Variants in KHDRBS2 observed in about 807,000 individuals in gnomAD.
KHDRBS2 encodes KH RNA binding domain containing, signal transduction associated 2, also known as KH domain-containing, RNA-binding, signal transduction-associated protein 2.
KHDRBS2 carries 26 observed loss-of-function variants against 44.3 expected under a neutral mutation model. That is an observed-to-expected ratio of 0.59 (90% CI 0.43 to 0.81). The LOEUF (loss-of-function observed/expected upper bound fraction) is 0.81. Among genes scored for constraint, KHDRBS2 ranks in the 40% least tolerant of loss-of-function variants. The probability of loss-of-function intolerance (pLI) is 0.00; values close to 1 mark genes in which losing one functional copy is unlikely to be tolerated. For missense variants in KHDRBS2, 476 were observed against 433.1 expected, an observed-to-expected ratio of 1.10 and a Z score of -0.88; for synonymous variants, 194 against 151.1, an observed-to-expected ratio of 1.28 and a Z score of -2.08.
Position 62,214,286 on chromosome 6 carries a change from T to C in KHDRBS2, c.92-36974A>G, listed in dbSNP as rs575753347. ...TTCTTCCATATACAGGAAAGGATTA[T>C]ATATCAAATTAGAACAGCCATTAAT... On this transcript the variant is annotated intron_variant, in intron 1 of 8. Transcript: ENST00000281156. 2.0e-5 allele frequency among the ~76,000 whole-genome samples: 3 copies of C among 152,284 alleles called. No homozygotes were observed. The South Asian group carries it at 6.2e-4, about 32-fold the overall frequency.
intron 4 of KHDRBS2, among the ~76,000 whole-genome samples, chr6:61,931,927 G>T (rs143935556): frequency 3.3e-5 from 5 of 152,134 alleles, no homozygotes; most frequent in Middle Eastern, 3.4e-3. Flanking sequence ...TTTTTATAAT[G>T]ATCCATTTCC....
the KHDRBS2 span, among the ~76,000 whole-genome samples, chr6:61,637,179 C>T: frequency 6.6e-6 from 1 of 151,922 alleles, no homozygotes; most frequent in African/African-American, 2.4e-5. Flanking sequence ...GCTATCCCAC[C>T]CCTGTCCCCC....
chr6:62,053,510 CAAAT>C (rs1185410363), intron 2 of KHDRBS2, among the ~76,000 whole-genome samples: 2 of 151,736 alleles, frequency 1.3e-5, no homozygotes, highest in Non-Finnish European at 2.9e-5. Context: ...TACCCATTAA[CAAAT>C]TAATGAATAA....
At position 61,897,251 on chromosome 6, in the gene KHDRBS2, T is replaced by G. The variant is rs543023204; in HGVS notation, c.612-2418A>C. Among the ~76,000 whole-genome samples, 3 of 152,260 alleles carry G rather than the reference T, an allele frequency of 2.0e-5. No individual in the cohort carries two copies. The South Asian group carries it at 6.2e-4, about 32-fold the overall frequency. ...ATCTCTGGAGACAGGGAGCTCCCAG[T>G]GATTCCAAAATACAGGCCAATTTGG... is the stretch of plus-strand genomic sequence containing the variant. On this transcript the variant is annotated intron_variant, in intron 5 of 8. Coordinates refer to ENST00000281156, the MANE Select transcript of KHDRBS2 (RefSeq NM_152688.4).
intron 2 of KHDRBS2, among the ~76,000 whole-genome samples, chr6:62,151,549 C>A (rs1009958746): frequency 3.0e-4 from 46 of 152,100 alleles, no homozygotes; most frequent in African/African-American, 1.0e-3. Context: ...AACCCCACCA[C>A]AATTTAATCT....
intron 4 of KHDRBS2, among the ~76,000 whole-genome samples, chr6:61,921,950 T>G (rs796345104): frequency 1.4e-4 from 21 of 152,034 alleles, no homozygotes; most frequent in African/African-American, 4.6e-4. Context: ...GCTTCTTTCT[T>G]CAAACATAAA....
chr6:61,550,560 T>C, the KHDRBS2 span, among the ~76,000 whole-genome samples: 2 of 152,128 alleles, frequency 1.3e-5, no homozygotes, highest in African/African-American at 4.8e-5. Flanking sequence ...GGATGGTGGC[T>C]TACATACTTA....
At chr6:62,088,864 T>C (rs894570442) in intron 2 of KHDRBS2, among the ~76,000 whole-genome samples, 1 of 152,086 alleles carries the variant, frequency 6.6e-6, no homozygotes, top group African/African-American at 2.4e-5. Context: ...AGATGGGAGT[T>C]TTATCTATAA....
intron 6 of KHDRBS2, among the ~76,000 whole-genome samples, chr6:61,850,306 T>C (rs1795237443): frequency 6.6e-6 from 1 of 152,148 alleles, no homozygotes; most frequent in Non-Finnish European, 1.5e-5. Flanking sequence ...ACAAACTCCT[T>C]TGGCATCTGC....
At chr6:61,699,873 A>C (rs1768378773) in intron 7 of KHDRBS2, among the ~76,000 whole-genome samples, 1 of 151,980 alleles carries the variant, frequency 6.6e-6, no homozygotes, top group Non-Finnish European at 1.5e-5. Context: ...AAACTGTCTA[A>C]AAAATTATGG....
intron 6 of KHDRBS2, among the ~76,000 whole-genome samples, chr6:61,847,972 C>G (rs1164056265): frequency 2.0e-5 from 3 of 151,940 alleles, no homozygotes; most frequent in African/African-American, 7.3e-5. Context: ...ACTGCCCTTC[C>G]ATAATTGGTA....
intron 8 of KHDRBS2, among the ~76,000 whole-genome samples, chr6:61,688,798 G>A (rs954466253): frequency 4.6e-5 from 7 of 152,036 alleles, no homozygotes; most frequent in Non-Finnish European, 8.8e-5. Flanking sequence ...CACCACTTGT[G>A]AAAGATCTTA....
intron 1 of KHDRBS2, among the ~76,000 whole-genome samples, chr6:62,264,931 A>G (rs930675630): frequency 3.3e-5 from 5 of 151,830 alleles, no homozygotes; most frequent in Non-Finnish European, 7.4e-5. Context: ...AATAGCTAGT[A>G]TCCTGTTTCA....
chr6:62,262,676 T>C (rs1176152656), intron 1 of KHDRBS2, among the ~76,000 whole-genome samples: 4 of 151,742 alleles, frequency 2.6e-5, no homozygotes, highest in African/African-American at 9.7e-5. Context: ...GACTTATTTT[T>C]AGCAAGTATT....
At chr6:61,954,651 TATAC>T (rs1177279875) in intron 4 of KHDRBS2, among the ~76,000 whole-genome samples, 1 of 132,420 alleles carries the variant, frequency 7.6e-6, no homozygotes, top group Non-Finnish European at 1.6e-5. Context: ...CATACTTATG[TATAC>T]ATACATATGT....
intron 8 of KHDRBS2, among the ~76,000 whole-genome samples, chr6:61,681,498 G>A (rs371526202): frequency 4.0e-5 from 6 of 151,780 alleles, no homozygotes; most frequent in South Asian, 4.2e-4. Context: ...TGGGACCTAC[G>A]GTTTGGTATT....
rs147650627 is a variant in KHDRBS2 at position 62,008,104 on chromosome 6, C to T, written c.337-29892G>A. On this transcript the variant is annotated intron_variant, in intron 3 of 8. Coordinates refer to ENST00000281156, the MANE Select transcript of KHDRBS2 (RefSeq NM_152688.4). ...TAACATATTCCTGATTAAAACACCA[C>T]ACAATTTTACTGTTGGATGAATCAC... Among the ~76,000 whole-genome samples the T allele has an allele frequency of 1.4e-4, 22 of 152,276 alleles. 1 individual carries two copies. In the East Asian group the frequency reaches 4.3e-3, roughly 29 times the overall value.
intron 4 of KHDRBS2, among the ~76,000 whole-genome samples, chr6:61,954,851 C>CATGTGTATATACACATACAT (rs1765993424): frequency 2.5e-5 from 1 of 39,244 alleles, no homozygotes. Context: ...TATACATATG[C>CATGTGTATATACACATACAT]ATGTGTATAT....
chr6:62,246,982 A>G (rs896516298), intron 1 of KHDRBS2, among the ~76,000 whole-genome samples: 4 of 152,074 alleles, frequency 2.6e-5, no homozygotes, highest in African/African-American at 9.7e-5. Flanking sequence ...TTTATCAACA[A>G]TTCATTATCA....
Sources: allele counts gnomAD v4.1 joint callset (sites outside exome capture counted in the v4.1 genomes callset), GRCh38; gene constraint gnomAD v4.1.1; transcripts MANE v1.5; gene names NCBI Gene and HGNC (gene_info 2026-07-23, HGNC 2026-07-21).